The following KLF8 variants were observed in gnomAD, a reference collection of about 807,000 sequenced individuals.
KLF8 encodes KLF transcription factor 8, also known as Krueppel-like factor 8.
Under a neutral mutation model 18.2 loss-of-function variants are expected in KLF8, and 10 were observed. That is an observed-to-expected ratio of 0.55 (90% CI 0.34 to 0.93). The LOEUF (loss-of-function observed/expected upper bound fraction) is 0.93. Ranked by LOEUF, KLF8 falls within the 40% of genes least tolerant of loss-of-function variation. The pLI, the probability that KLF8 is intolerant of heterozygous loss-of-function variation, is 0.02. For synonymous variants in KLF8, 109 were observed against 97.3 expected (o/e 1.12, Z -0.71); for missense variants, 264 against 277.9 (o/e 0.95, Z 0.36).
the KLF8 span, among the ~76,000 whole-genome samples, chrX:56,011,729 A>T: frequency 1.8e-5 from 2 of 111,979 alleles, no homozygotes; most frequent in African/African-American, 6.5e-5. Flanking sequence ...AAAGAAGAAA[A>T]GAAAGAAGAA....
At chrX:55,993,035 C>A in the KLF8 span, among the ~76,000 whole-genome samples, 4 of 111,255 alleles carry the variant, frequency 3.6e-5, no homozygotes, top group Non-Finnish European at 7.5e-5. Context: ...AGAATCACAT[C>A]ATCTGAGAAG....
the KLF8 span, among the ~76,000 whole-genome samples, chrX:56,080,731 T>C: frequency 8.9e-5 from 10 of 111,944 alleles, no homozygotes; most frequent in East Asian, 2.8e-4. Context: ...CTGGATAATA[T>C]CCTGCAGAGT....
chrX:55,925,781 G>A, the KLF8 span, among the ~76,000 whole-genome samples: 7 of 111,727 alleles, frequency 6.3e-5, no homozygotes, highest in Non-Finnish European at 1.9e-5. Flanking sequence ...GGCAATTTTT[G>A]TGGGGATAAG....
chrX:56,049,688 T>G, the KLF8 span, among the ~76,000 whole-genome samples: 7 of 106,826 alleles, frequency 6.6e-5, no homozygotes, highest in African/African-American at 2.4e-4. Flanking sequence ...ATTGAGGATT[T>G]TTGCATCAAT....
the KLF8 span, among the ~76,000 whole-genome samples, chrX:56,186,379 G>T: frequency 8.9e-6 from 1 of 111,766 alleles, no homozygotes; most frequent in African/African-American, 3.3e-5. Flanking sequence ...CATAAAGCAA[G>T]TCCTGAGTGA....
chrX:56,231,375 T>C (rs1214105078), upstream of KLF8, among the ~76,000 whole-genome samples: 2 of 111,862 alleles, frequency 1.8e-5, no homozygotes, highest in African/African-American at 6.5e-5. Context: ...TTTTTTTAAA[T>C]AAAGGGCACA....
chrX:56,134,582 T>G, the KLF8 span, among the ~76,000 whole-genome samples: 12 of 111,381 alleles, frequency 1.1e-4, no homozygotes, highest in Non-Finnish European at 1.9e-4. Context: ...GAAAAACCAT[T>G]CTAGATATTG....
At chrX:56,256,493 T>G (rs1435970197) in intron 2 of KLF8, among the ~76,000 whole-genome samples, 1 of 111,400 alleles carries the variant, frequency 9.0e-6, no homozygotes, top group Non-Finnish European at 1.9e-5. Context: ...GTCTTTAAGA[T>G]GAATTATTAG....
the KLF8 span, among the ~76,000 whole-genome samples, chrX:56,026,593 G>A: frequency 9.0e-6 from 1 of 111,484 alleles, no homozygotes; most frequent in African/African-American, 3.3e-5. Flanking sequence ...CGATTCATTC[G>A]CTCCACTTTT....
chrX:56,121,755 A>G, the KLF8 span, among the ~76,000 whole-genome samples: 2 of 112,329 alleles, frequency 1.8e-5, no homozygotes, highest in South Asian at 7.4e-4. Context: ...GATGTGACTT[A>G]TCATATACTT....
At chrX:56,050,351 T>A in the KLF8 span, among the ~76,000 whole-genome samples, 1 of 112,177 alleles carries the variant, frequency 8.9e-6, no homozygotes, top group Non-Finnish European at 1.9e-5. Context: ...TTCTTTTAAT[T>A]GTGATGTTAG....
chrX:56,263,457 C>T (rs899859977), intron 2 of KLF8, among the ~76,000 whole-genome samples: 6 of 111,228 alleles, frequency 5.4e-5, no homozygotes, highest in African/African-American at 2.0e-4. Flanking sequence ...TTTTTGGTGC[C>T]GTTACTCATT....
the KLF8 span, among the ~76,000 whole-genome samples, chrX:56,040,366 A>G: frequency 8.9e-6 from 1 of 111,814 alleles, no homozygotes; most frequent in East Asian, 2.8e-4. Flanking sequence ...TGGGTTTGTC[A>G]TAGATGATTC....
At chrX:56,138,386 T>C in the KLF8 span, among the ~76,000 whole-genome samples, 6 of 111,066 alleles carry the variant, frequency 5.4e-5, no homozygotes, top group Admixed American at 5.8e-4. Flanking sequence ...CAGGCTAATA[T>C]CCCTAATGAA....
chrX:55,987,814 C>G, the KLF8 span, among the ~76,000 whole-genome samples: 2 of 112,095 alleles, frequency 1.8e-5, no homozygotes, highest in African/African-American at 6.5e-5. Flanking sequence ...TACAGTCCCA[C>G]CAACAGTGTA....
At chrX:56,148,042 C>T in the KLF8 span, among the ~76,000 whole-genome samples, 1 of 111,982 alleles carries the variant, frequency 8.9e-6, no homozygotes, top group African/African-American at 3.2e-5. Context: ...AAATGTCACT[C>T]TAATTATACA....
the KLF8 span, among the ~76,000 whole-genome samples, chrX:56,120,955 G>C: frequency 2.7e-5 from 3 of 111,040 alleles, no homozygotes; most frequent in Non-Finnish European, 5.7e-5. Flanking sequence ...TGGAGGCCAA[G>C]GTGGGCAGAT....
At chrX:55,969,924 T>A in the KLF8 span, among the ~76,000 whole-genome samples, 3 of 111,116 alleles carry the variant, frequency 2.7e-5, no homozygotes, top group South Asian at 1.1e-3. Flanking sequence ...AGTAATGAGA[T>A]CAAAGCTGCA....
chrX:55,937,399 G>T, the KLF8 span, among the ~76,000 whole-genome samples: 5 of 111,127 alleles, frequency 4.5e-5, no homozygotes, highest in African/African-American at 1.6e-4. Context: ...AAGACCAAAG[G>T]TAGATAAAAC....
Sources: gnomAD v4.1 joint callset for allele counts (sites outside exome capture counted in the v4.1 genomes callset) on GRCh38, gnomAD v4.1.1 for gene constraint, MANE v1.5 for transcripts, NCBI Gene and HGNC (gene_info 2026-07-23, HGNC 2026-07-21) for gene names.